Variants in RNF217 observed in about 807,000 individuals in gnomAD.
RNF217 encodes the protein E3 ubiquitin-protein ligase RNF217.
RNF217 carries 31 observed loss-of-function variants against 57.8 expected under a neutral mutation model. That is an observed-to-expected ratio of 0.54 (90% CI 0.40 to 0.72). The LOEUF (loss-of-function observed/expected upper bound fraction) is 0.72. Ranked by LOEUF, RNF217 falls within the 30% of genes least tolerant of loss-of-function variation. The pLI, the probability that RNF217 is intolerant of heterozygous loss-of-function variation, is 0.00. For synonymous variants in RNF217, 313 were observed against 294.0 expected, an observed-to-expected ratio of 1.06 and a Z score of -0.66; for missense variants, 696 against 708.3, an observed-to-expected ratio of 0.98 and a Z score of 0.20.
rs181408201 is a variant in RNF217 at position 124,972,312 on chromosome 6, C to T, written c.882+8886C>T. Reference sequence around the variant, plus strand: ...TCTATTTCTGCTGTCATTTCCCTCTCTCAGGCCTCTACCATTTCTCTCCTG... The same window carrying T: ...TCTATTTCTGCTGTCATTTCCCTCTTTCAGGCCTCTACCATTTCTCTCCTG... On this transcript the variant is annotated intron_variant, in intron 1 of 5. Transcript: ENST00000521654. Among the ~76,000 whole-genome samples the T allele has an allele frequency of 2.1e-3, 322 of 152,274 alleles. 2 individuals carry two copies. Among genetic ancestry groups the T allele is most frequent in the African/African-American group, 7.3e-3 (303 of 41,574 alleles).
rs141392274 is a variant in RNF217, at chr6:125,076,594, C to T, written c.1282-63C>T. 1,305 of 1,201,414 alleles carry T rather than the reference C, an allele frequency of 1.1e-3. 17 individuals carry two copies. In the African/African-American group the frequency reaches 0.017, roughly 16 times the overall value. 74.4% of individuals were successfully genotyped at this position (1,201,414 alleles called of 1,614,324 possible). A position where few individuals can be genotyped will look rare whatever the true frequency, so the allele number is the denominator to read the frequency against. On this transcript the variant is annotated intron_variant, in intron 3 of 5. Transcript: ENST00000521654. ...GGTAAGTGTTGTTTCATAAAATTTGCGATTTTGCTTTTTAAAAACTCAGCT... is the reference window on the plus strand; with the variant it reads ...GGTAAGTGTTGTTTCATAAAATTTGTGATTTTGCTTTTTAAAAACTCAGCT...
chr6:125,060,839 C>T (rs952648208), intron 3 of RNF217, among the ~76,000 whole-genome samples: 8 of 152,126 alleles, frequency 5.3e-5, no homozygotes, highest in African/African-American at 1.7e-4. Context: ...AGAATTCTGC[C>T]GCCCCAGTGT....
chr6:124,976,174 C>T (rs1783949077), intron 1 of RNF217, among the ~76,000 whole-genome samples: 1 of 152,032 alleles, frequency 6.6e-6, no homozygotes, highest in South Asian at 2.1e-4. Flanking sequence ...ATTTGTTGAT[C>T]TTAATTTTTA....
At chr6:125,074,634 A>C (rs1788296245) in intron 3 of RNF217, among the ~76,000 whole-genome samples, 1 of 152,088 alleles carries the variant, frequency 6.6e-6, no homozygotes, top group African/African-American at 2.4e-5. Flanking sequence ...CAACCTTTTC[A>C]TTTCTCCTTT....
chr6:125,030,742 G>A (rs1356439476), intron 1 of RNF217, among the ~76,000 whole-genome samples: 2 of 152,152 alleles, frequency 1.3e-5, no homozygotes, highest in Non-Finnish European at 2.9e-5. Context: ...GGCATTGAGT[G>A]TCTGCGGCTT....
intron 3 of RNF217, among the ~76,000 whole-genome samples, chr6:125,061,388 A>T (rs1179127051): frequency 6.6e-6 from 1 of 151,590 alleles, no homozygotes; most frequent in Non-Finnish European, 1.5e-5. Flanking sequence ...CTTGTATTTT[A>T]TATTTTCCTG....
chr6:125,075,281 T>C (rs939733045), intron 3 of RNF217, among the ~76,000 whole-genome samples: 12 of 152,168 alleles, frequency 7.9e-5, no homozygotes, highest in Admixed American at 7.9e-4. Flanking sequence ...AGACTATTTT[T>C]AGGAGGTCTC....
chr6:125,018,635 T>A (rs1229808288), intron 1 of RNF217, among the ~76,000 whole-genome samples: 1 of 152,182 alleles, frequency 6.6e-6, no homozygotes, highest in Non-Finnish European at 1.5e-5. Flanking sequence ...TTTGTTAACT[T>A]AGACGATTAA....
At chr6:124,977,143 T>A (rs1562448857) in intron 1 of RNF217, among the ~76,000 whole-genome samples, 1 of 152,220 alleles carries the variant, frequency 6.6e-6, no homozygotes, top group Non-Finnish European at 1.5e-5. Context: ...GAGGGAGTTA[T>A]TAACTCTTTT....
chr6:124,971,993 C>A (rs1783780104), intron 1 of RNF217, among the ~76,000 whole-genome samples: 1 of 152,184 alleles, frequency 6.6e-6, no homozygotes, highest in African/African-American at 2.4e-5. Context: ...TCTGTATCCC[C>A]AGTCAAGTGT....
At chr6:124,969,004 A>G (rs773786231) in intron 1 of RNF217, among the ~76,000 whole-genome samples, 12 of 152,236 alleles carry the variant, frequency 7.9e-5, no homozygotes, top group Non-Finnish European at 1.8e-4. Flanking sequence ...CCTTGTTGGC[A>G]GTATTTTCCC....
chr6:125,032,728 A>G (rs991739909), intron 1 of RNF217, among the ~76,000 whole-genome samples: 17 of 152,132 alleles, frequency 1.1e-4, no homozygotes, highest in Non-Finnish European at 7.4e-5. Flanking sequence ...ATCATTTTTG[A>G]GCTTATTTTA....
intron 1 of RNF217, among the ~76,000 whole-genome samples, chr6:124,974,033 C>T (rs1783862180): frequency 6.6e-6 from 1 of 152,164 alleles, no homozygotes; most frequent in South Asian, 2.1e-4. Context: ...ACATGGCAGT[C>T]TCAGAGCTTC....
intron 1 of RNF217, among the ~76,000 whole-genome samples, chr6:124,976,029 A>G (rs1461638195): frequency 6.6e-6 from 1 of 152,086 alleles, no homozygotes; most frequent in East Asian, 1.9e-4. Context: ...AGTATATTCC[A>G]TGTGTCTTCA....
intron 3 of RNF217, 152 bp downstream of exon 3, chr6:125,058,258 TAAACTGA>T (rs1240229116): frequency 1.5e-6 from 1 of 650,026 alleles, no homozygotes; most frequent in East Asian, 3.3e-5. Flanking sequence ...ATTATATAAT[TAAACTGA>T]AAATTTTTAT....
At chr6:125,007,755 T>A (rs1052444170) in intron 1 of RNF217, among the ~76,000 whole-genome samples, 4 of 152,118 alleles carry the variant, frequency 2.6e-5, no homozygotes, top group African/African-American at 9.7e-5. Flanking sequence ...ATACTTCAGG[T>A]TAGAGAACCA....
intron 1 of RNF217, among the ~76,000 whole-genome samples, chr6:125,035,738 A>G (rs2114491618): frequency 6.6e-6 from 1 of 152,210 alleles, no homozygotes; most frequent in South Asian, 2.1e-4. Flanking sequence ...AAGGTCATGA[A>G]GATGTTCTTT....
At chr6:124,987,370 A>C (rs144257879) in intron 1 of RNF217, among the ~76,000 whole-genome samples, 1 of 152,112 alleles carries the variant, frequency 6.6e-6, no homozygotes, top group Non-Finnish European at 1.5e-5. Context: ...ATTATTCATC[A>C]TTCCCTGCCC....
chr6:125,052,284 T>TTGTGTGTGTGTGTGTG lies in RNF217; in HGVS notation c.1117-5637_1117-5622dup, dbSNP rs368469313. Among the ~76,000 whole-genome samples, 575 of 143,212 alleles carry TTGTGTGTGTGTGTGTG rather than the reference T, an allele frequency of 4.0e-3. 3 individuals carry two copies. Among genetic ancestry groups the TTGTGTGTGTGTGTGTG allele is most frequent in the African/African-American group, 6.7e-3 (261 of 38,960 alleles). 94.0% of individuals were successfully genotyped at this position (143,212 alleles called of 152,430 possible). ...AATATAGCTTACCTTGTCATGCGTT[T>TTGTGTGTGTGTGTGTG]TGTGTGTGTGTGTGTGTGTGTGTGT... is the stretch of plus-strand genomic sequence containing the variant. On this transcript the variant is annotated intron_variant, in intron 2 of 5. Transcript: ENST00000521654.
Sources: allele counts gnomAD v4.1 joint callset (sites outside exome capture counted in the v4.1 genomes callset), GRCh38; gene constraint gnomAD v4.1.1; transcripts MANE v1.5; gene names NCBI Gene and HGNC (gene_info 2026-07-23, HGNC 2026-07-21).